Variants in TRIML1 observed in about 807,000 individuals in gnomAD.
TRIML1 encodes the protein probable E3 ubiquitin-protein ligase TRIML1.
In TRIML1, 34 loss-of-function variants were observed where a neutral mutation model predicts 32.3. The observed-to-expected ratio is 1.05, with a 90% CI of 0.80 to 1.40. The LOEUF (loss-of-function observed/expected upper bound fraction) is 1.40, where lower values mean the gene tolerates loss of function less well. TRIML1 is among the 40% of genes most tolerant of loss of function. The pLI, the probability that TRIML1 is intolerant of heterozygous loss-of-function variation, is 0.00. For missense variants in TRIML1, 595 were observed against 574.9 expected (o/e 1.03, Z -0.36); for synonymous variants, 244 against 226.6 (o/e 1.08, Z -0.69).
upstream of TRIML1, among the ~76,000 whole-genome samples, chr4:188,138,749 C>G (rs75785181): frequency 7.2e-6 from 1 of 139,654 alleles, no homozygotes; most frequent in Non-Finnish European, 1.6e-5. Context: ...AAATATAATT[C>G]TTTCCATCTG....
At chr4:188,150,373 C>T (rs1315663764), downstream of TRIML1, among the ~76,000 whole-genome samples, 2 of 152,138 alleles carry the variant, frequency 1.3e-5, no homozygotes, top group South Asian at 2.1e-4. Context: ...AAGTGATCCA[C>T]CCGCCTCAGC....
In TRIML1 at chr4:188,146,837, A is replaced by G. The variant is rs766065139; in HGVS notation, c.872A>G (p.Asp291Gly). ...LRKFSTEITL[D>G]PATANAYLVL... ...CCTCTTGCAGCGGAGATAACGCTGG[A>G]CCCAGCCACAGCTAATGCCTATCTC... The change falls in exon 6 of 6, where the codon GAC becomes GGC. Residue 291 changes from aspartate to glycine, a missense_variant. Physicochemically the swap from Asp to Gly is moderately conservative, Grantham distance 94 (BLOSUM62 -1). Transcript: ENST00000332517. 53 of 1,397,048 alleles carry G rather than the reference A, an allele frequency of 3.8e-5. No individual in the cohort carries two copies. The highest frequency in any genetic ancestry group is 4.9e-5 in the Non-Finnish European group (53 of 1,070,870). 86.5% of individuals were successfully genotyped at this position (1,397,048 alleles called of 1,614,324 possible).
downstream of TRIML1, among the ~76,000 whole-genome samples, chr4:188,150,277 C>CAT (rs1735216764): frequency 6.6e-6 from 1 of 151,786 alleles, no homozygotes; most frequent in South Asian, 2.1e-4. Context: ...CATAGGCATG[C>CAT]ACCACCACAC....
At chr4:188,149,766 A>G (rs1044562958), downstream of TRIML1, among the ~76,000 whole-genome samples, 1 of 152,042 alleles carries the variant, frequency 6.6e-6, no homozygotes, top group Non-Finnish European at 1.5e-5. Flanking sequence ...CGTCCTCCTT[A>G]GACTATCTGT....
intron 5 of TRIML1, among the ~76,000 whole-genome samples, chr4:188,144,818 A>C (rs189865125): frequency 6.6e-6 from 1 of 152,292 alleles, no homozygotes; most frequent in East Asian, 1.9e-4. Flanking sequence ...GTGAGGGTGC[A>C]TTCAACGAAC....
downstream of TRIML1, among the ~76,000 whole-genome samples, chr4:188,148,567 T>C (rs183852143): frequency 6.6e-6 from 1 of 152,190 alleles, no homozygotes; most frequent in East Asian, 1.9e-4. Flanking sequence ...GTGGTCTGCA[T>C]TAGGCTCGCT....
chr4:188,147,601 A>G lies in TRIML1; in HGVS notation c.*229A>G. 1 of 383,296 alleles carries G rather than the reference A, an allele frequency of 2.6e-6. No homozygotes were observed. The highest frequency in any genetic ancestry group is 3.8e-5 in the East Asian group (1 of 26,350). The allele number at this position is 383,296 out of a possible 1,614,324, so 23.7% of individuals were successfully genotyped here. ...CTGATCATATTCTGTGTCTTTAAGTAAATGTATTCTCTGGGCTACCCCATG... is the reference window on the plus strand; with the variant it reads ...CTGATCATATTCTGTGTCTTTAAGTGAATGTATTCTCTGGGCTACCCCATG... On this transcript the variant is annotated 3_prime_UTR_variant, in exon 6 of 6. Coordinates refer to ENST00000332517, the MANE Select transcript of TRIML1 (RefSeq NM_178556.5).
chr4:188,139,444 A>G lies in TRIML1; in HGVS notation c.-115A>G. 2 of 1,046,504 alleles carry G rather than the reference A, an allele frequency of 1.9e-6. No homozygotes were observed. Among genetic ancestry groups the G allele is most frequent in the Non-Finnish European group, 1.4e-6 (1 of 722,390 alleles). 64.8% of individuals were successfully genotyped at this position (1,046,504 alleles called of 1,614,324 possible). ...ACAGAAGAGATAAGGGTTTCTTGTC[A>G]TAACAACATAGGAACAGGTCACCCG... On this transcript the variant is annotated 5_prime_UTR_variant, in exon 1 of 6. Transcript: ENST00000332517.
chr4:188,142,374 G>A lies in TRIML1; in HGVS notation c.627G>A (p.Arg209=), dbSNP rs375289857. Residue 209 remains arginine, a synonymous_variant, in exon 3 of 6, where the codon AGG becomes AGA. Transcript: ENST00000332517. Reference sequence around the variant, plus strand: ...AACAGGAAGAGAAAGAGAACATGAGGAAGCTGAGGAACAATGAGATCAAAC... The same window carrying A: ...AACAGGAAGAGAAAGAGAACATGAGAAAGCTGAGGAACAATGAGATCAAAC... ...LLEQEEKENM[R]KLRNNEIKLT... The A allele has an allele frequency of 9.3e-6, 15 of 1,613,544 alleles. No individual in the cohort carries two copies. Among genetic ancestry groups the A allele is most frequent in the Non-Finnish European group, 1.2e-5 (14 of 1,179,960 alleles).
In TRIML1 at chr4:188,144,028, T is replaced by A. The variant is rs1380010232; in HGVS notation, c.759-8T>A. The A allele has an allele frequency of 1.9e-6, 3 of 1,613,430 alleles. No homozygotes were observed. In the Admixed American group the frequency reaches 5.0e-5, roughly 27 times the overall value. On this transcript the variant is annotated splice_region_variant and splice_polypyrimidine_tract_variant and intron_variant, in intron 4 of 5. Coordinates refer to ENST00000332517, the MANE Select transcript of TRIML1 (RefSeq NM_178556.5). ...TGCCGAGGAGTGAACCTCTCTGCTCTCTTGCAGGAGCGAGCCACTCTTGCT... is the reference window on the plus strand; with the variant it reads ...TGCCGAGGAGTGAACCTCTCTGCTCACTTGCAGGAGCGAGCCACTCTTGCT...
downstream of TRIML1, among the ~76,000 whole-genome samples, chr4:188,149,966 C>A (rs1227967300): frequency 2.0e-5 from 3 of 151,448 alleles, no homozygotes; most frequent in Non-Finnish European, 4.4e-5. Flanking sequence ...ACCACCATGC[C>A]CAGCTAATTT....
chr4:188,142,661 A>G (rs1219591307), intron 3 of TRIML1, among the ~76,000 whole-genome samples, 179 bp downstream of exon 3: 3 of 134,654 alleles, frequency 2.2e-5, no homozygotes, highest in Non-Finnish European at 4.5e-5. Context: ...AGAGAGAGAG[A>G]AAAAAAAAAA....
intron 5 of TRIML1, among the ~76,000 whole-genome samples, chr4:188,144,426 G>A (rs1429988587): frequency 2.7e-5 from 4 of 149,624 alleles, no homozygotes; most frequent in Admixed American, 6.7e-5. Context: ...GCAGGGGCGC[G>A]ATCTCGGCTC....
chr4:188,145,441 C>CAAAAAAAAA lies in TRIML1; in HGVS notation c.856+1335_856+1343dup, dbSNP rs869253721. ...TGGGCGACAGAGCGAGACTCCGTCT[C>CAAAAAAAAA]AAAAAAAAAAAAAAAAAAAAAAAAA... On this transcript the variant is annotated intron_variant, in intron 5 of 5. Coordinates refer to ENST00000332517, the MANE Select transcript of TRIML1 (RefSeq NM_178556.5). Among the ~76,000 whole-genome samples the CAAAAAAAAA allele has an allele frequency of 1.7e-3, 57 of 34,254 alleles. 1 individual carries two copies. Among genetic ancestry groups the CAAAAAAAAA allele is most frequent in the East Asian group, 2.6e-3 (2 of 760 alleles). 22.5% of individuals were successfully genotyped at this position (34,254 alleles called of 152,430 possible).
At chr4:188,148,682 A>G (rs1735170022), downstream of TRIML1, among the ~76,000 whole-genome samples, 1 of 150,914 alleles carries the variant, frequency 6.6e-6, no homozygotes, top group African/African-American at 2.4e-5. Flanking sequence ...AGCTCACTGC[A>G]ACCTCCACCT....
intron 5 of TRIML1, 58 bp from the exon 6 acceptor site, chr4:188,146,764 T>C (rs948969758): frequency 8.0e-7 from 1 of 1,246,988 alleles, no homozygotes. Context: ...AAATCTCACA[T>C]ACCTAAGAGG....
intron 3 of TRIML1, 108 bp from the exon 4 acceptor site, chr4:188,143,730 T>C (rs1334030345): frequency 7.3e-7 from 1 of 1,367,182 alleles, no homozygotes; most frequent in African/African-American, 1.4e-5. Context: ...ATGGTGTGCT[T>C]CATGGGAAGC....
chr4:188,146,230 G>A (rs1027600511), intron 5 of TRIML1, among the ~76,000 whole-genome samples: 1 of 152,150 alleles, frequency 6.6e-6, no homozygotes, highest in Non-Finnish European at 1.5e-5. Flanking sequence ...CGCACAGCTC[G>A]GAGCTCTAAA....
chr4:188,146,925 C>T lies in TRIML1; in HGVS notation c.960C>T (p.Asn320=). Residue 320 remains asparagine, a synonymous_variant, in exon 6 of 6, where the codon AAC becomes AAT. Coordinates refer to ENST00000332517, the MANE Select transcript of TRIML1 (RefSeq NM_178556.5). ...GAAGCAGACAGCAGCTACCCGACAA[C>T]CCGGAAAGATTTGACCAGTCTGCGA... ...YGGSRQQLPD[N]PERFDQSATV... is the part of the protein sequence containing the mutation. 2.7e-6 allele frequency: 4 copies of T among 1,494,730 alleles called. No individual in the cohort carries two copies. The highest frequency in any genetic ancestry group is 3.6e-6 in the Non-Finnish European group (4 of 1,121,470). The allele number at this position is 1,494,730 out of a possible 1,614,324, so 92.6% of individuals were successfully genotyped here. A position where few individuals can be genotyped will look rare whatever the true frequency, so the allele number is the denominator to read the frequency against.
Sources: gnomAD v4.1 joint callset for allele counts (sites outside exome capture counted in the v4.1 genomes callset) on GRCh38, gnomAD v4.1.1 for gene constraint, MANE v1.5 for transcripts, NCBI Gene and HGNC (gene_info 2026-07-23, HGNC 2026-07-21) for gene names.